The following PSMG2 variants were observed in gnomAD, a reference collection of about 807,000 sequenced individuals.
PSMG2 encodes the protein proteasome assembly chaperone 2.
In PSMG2, 21 loss-of-function variants were observed where a neutral mutation model predicts 31.5. The observed-to-expected ratio is 0.67, with a 90% CI of 0.47 to 0.96. The LOEUF is 0.96. Ranked by LOEUF, PSMG2 falls within the 40% of genes least tolerant of loss-of-function variation. PSMG2 has a pLI of 0.00. For missense variants in PSMG2, 318 were observed against 321.2 expected, an observed-to-expected ratio of 0.99 and a Z score of 0.08; for synonymous variants, 120 against 110.4, an observed-to-expected ratio of 1.09 and a Z score of -0.54.
chr18:12,724,410 T>C, intron 5 of PSMG2, 89 bp from the exon 6 acceptor site: 2 of 1,299,510 alleles, frequency 1.5e-6, no homozygotes, highest in South Asian at 1.7e-5. Flanking sequence ...CTAAACCAGG[T>C]AGGTTATCGT....
chr18:12,670,577 G>A (rs777033081), intron 1 of PSMG2: 1 of 151,962 alleles, frequency 6.6e-6, no homozygotes, highest in African/African-American at 2.4e-5. Context: ...ATACCTCATA[G>A]TTTGTCTCAA....
intron 1 of PSMG2, chr18:12,695,480 C>T: frequency 2.2e-6 from 1 of 465,036 alleles, no homozygotes. Flanking sequence ...TAACATTCAA[C>T]ATTACCTTTA....
At chr18:12,687,650 C>T (rs1269908609) in intron 1 of PSMG2, among the ~76,000 whole-genome samples, 1 of 151,484 alleles carries the variant, frequency 6.6e-6, no homozygotes, top group Non-Finnish European at 1.5e-5. Context: ...TGGGGTTTCA[C>T]GATGTTGACC....
At chr18:12,673,147 A>G in intron 1 of PSMG2, 1 of 1,163,788 alleles carries the variant, frequency 8.6e-7, no homozygotes, top group South Asian at 2.7e-5. Context: ...CTTAATTTAT[A>G]CTAAATTCCA....
chr18:12,662,277 A>G (rs2038707222), intron 1 of PSMG2: 1 of 394,718 alleles, frequency 2.5e-6, no homozygotes, highest in South Asian at 1.9e-5. Flanking sequence ...CTGTAGTGCT[A>G]TTTATACTTT....
intron 1 of PSMG2, chr18:12,674,784 G>A (rs2039062473): frequency 2.8e-6 from 4 of 1,410,788 alleles, no homozygotes; most frequent in Non-Finnish European, 3.9e-6. Context: ...AAGAAAAAGT[G>A]AAATACATTA....
rs137972754 is a variant in PSMG2 at position 12,688,609 on chromosome 18, C to A, written c.-36-17941C>A. ...CTAATATTATCTAAATATATCCCCA[C>A]AAGCTACTTAACTGTTTTGAAAAGT... On this transcript the variant is annotated intron_variant, in intron 1 of 6. Coordinates refer to the PSMG2 transcript ENST00000585331. 2.8e-3 allele frequency among the ~76,000 whole-genome samples: 421 copies of A among 152,286 alleles called. 1 individual carries two copies. The highest frequency in any genetic ancestry group is 9.4e-3 in the African/African-American group (389 of 41,554).
chr18:12,689,943 C>T (rs151256824), intron 1 of PSMG2, among the ~76,000 whole-genome samples: 3 of 152,300 alleles, frequency 2.0e-5, no homozygotes, highest in Non-Finnish European at 2.9e-5. Context: ...TGCCTGCCAC[C>T]AAGCCTGGCT....
chr18:12,684,667 G>A (rs1198855888), intron 1 of PSMG2: 1 of 151,698 alleles, frequency 6.6e-6, no homozygotes, highest in Non-Finnish European at 1.5e-5. Context: ...TTTTTCAGTA[G>A]AGATGGAGTT....
At chr18:12,662,858 T>C (rs573418936) in intron 1 of PSMG2, among the ~76,000 whole-genome samples, 2 of 152,352 alleles carry the variant, frequency 1.3e-5, no homozygotes, top group South Asian at 4.1e-4. Context: ...AATGGGTTCA[T>C]GAGAGACCCT....
intron 1 of PSMG2, chr18:12,678,252 C>T (rs1428274796): frequency 6.2e-7 from 1 of 1,614,138 alleles, no homozygotes; most frequent in Non-Finnish European, 8.5e-7. Context: ...TTAATTGCTT[C>T]CTCACTCATG....
intron 1 of PSMG2, chr18:12,692,361 T>C (rs2039799412): frequency 6.6e-6 from 1 of 152,016 alleles, no homozygotes; most frequent in Non-Finnish European, 1.5e-5. Context: ...AAACACTTCA[T>C]TCTCCATCAC....
intron 2 of PSMG2, among the ~76,000 whole-genome samples, chr18:12,712,456 T>C (rs1190084332): frequency 6.6e-6 from 1 of 152,220 alleles, no homozygotes; most frequent in Non-Finnish European, 1.5e-5. Context: ...AGAAAAATAA[T>C]TTTTTATATT....
At chr18:12,704,830 G>A (rs1555649054) in intron 1 of PSMG2, among the ~76,000 whole-genome samples, 1 of 152,170 alleles carries the variant, frequency 6.6e-6, no homozygotes, top group Non-Finnish European at 1.5e-5. Context: ...CAAAATCGTT[G>A]AGAAGGGAAT....
chr18:12,700,922 ATAT>A, upstream of PSMG2: 3 of 789,882 alleles, frequency 3.8e-6, no homozygotes, highest in Non-Finnish European at 5.7e-6. Context: ...GTATATACAT[ATAT>A]ACTCTCATTT....
At chr18:12,676,253 TTTTC>T (rs2039126066) in intron 1 of PSMG2, among the ~76,000 whole-genome samples, 1 of 151,822 alleles carries the variant, frequency 6.6e-6, no homozygotes, top group Non-Finnish European at 1.5e-5. Context: ...CACAGCTTTG[TTTTC>T]TTTTTCTGTA....
At chr18:12,693,979 G>A (rs1598654515) in intron 1 of PSMG2, among the ~76,000 whole-genome samples, 1 of 152,192 alleles carries the variant, frequency 6.6e-6, no homozygotes, top group East Asian at 1.9e-4. Context: ...CTACAAGTAT[G>A]TACCACCATG....
Position 12,720,574 on chromosome 18 carries a change from C to A in PSMG2, c.472C>A (p.Leu158Ile). 1 of 1,613,570 alleles carries A rather than the reference C, an allele frequency of 6.2e-7. No individual in the cohort carries two copies. The highest frequency in any genetic ancestry group is 1.3e-5 in the African/African-American group (1 of 75,000). The change falls in exon 5 of 7, where the codon CTT becomes ATT. Residue 158 changes from leucine to isoleucine, a missense_variant. By Grantham distance (5) the Leu-to-Ile change is conservative. Transcript: ENST00000317615. ...AAGTGTTCAAAATAAAATAAAGAGC[C>A]TTAACTGGGAAGAAATGGAAAAAAG... Reference protein sequence around the residue: ...QKSVQNKIKSLNWEEMEKSRC... With the variant: ...QKSVQNKIKSINWEEMEKSRC...
intron 5 of PSMG2, among the ~76,000 whole-genome samples, chr18:12,723,507 C>T (rs1359020674): frequency 2.0e-5 from 3 of 152,034 alleles, no homozygotes; most frequent in Admixed American, 1.3e-4. Flanking sequence ...ACGCAGTTCT[C>T]CTGCCTCAGC....
Sources: allele counts gnomAD v4.1 joint callset (sites outside exome capture counted in the v4.1 genomes callset), GRCh38; gene constraint gnomAD v4.1.1; transcripts MANE v1.5; gene names NCBI Gene and HGNC (gene_info 2026-07-23, HGNC 2026-07-21).